The following GANC variants were observed in gnomAD, a reference collection of about 807,000 sequenced individuals.
GANC encodes the protein neutral alpha-glucosidase C.
GANC carries 117 observed loss-of-function variants against 124.2 expected under a neutral mutation model. The observed-to-expected ratio is 0.94, with a 90% CI of 0.81 to 1.10. The LOEUF (loss-of-function observed/expected upper bound fraction) is 1.10, where lower values mean the gene tolerates loss of function less well. Among genes scored for constraint, GANC ranks in the 50% least tolerant of loss-of-function variants. GANC has a pLI of 0.00. For synonymous variants in GANC, 377 were observed against 376.8 expected (o/e 1.00, Z -0.01); for missense variants, 1,140 against 1,095.0 (o/e 1.04, Z -0.58).
rs538025994 is a variant in GANC at position 42,352,287 on chromosome 15, T to C, written c.*148T>C. ...TCGTCACCATTATACTAATGAACAA[T>C]AGATTTCATGTTTCAAAATTTCAGA... On this transcript the variant is annotated 3_prime_UTR_variant, in exon 24 of 24. Transcript: ENST00000318010. The C allele has an allele frequency of 2.1e-5, 30 of 1,436,626 alleles. No individual in the cohort carries two copies. The highest frequency in any genetic ancestry group is 1.0e-4 in the East Asian group (4 of 39,476). The allele number at this position is 1,436,626 out of a possible 1,614,324, so 89.0% of individuals were successfully genotyped here.
At chr15:42,307,787 C>G (rs1467168149) in intron 7 of GANC, among the ~76,000 whole-genome samples, 1 of 151,998 alleles carries the variant, frequency 6.6e-6, no homozygotes, top group Non-Finnish European at 1.5e-5. Context: ...ACGAGGCTGG[C>G]AGTAAGAATG....
intron 3 of GANC, 150 bp from the exon 4 acceptor site, chr15:42,287,541 T>C: frequency 5.7e-6 from 4 of 702,272 alleles, no homozygotes; most frequent in Non-Finnish European, 6.7e-6. Context: ...ATACATAAAC[T>C]GGGGAGCTTT....
At chr15:42,286,888 G>A (rs569689026) in intron 3 of GANC, among the ~76,000 whole-genome samples, 1 of 152,266 alleles carries the variant, frequency 6.6e-6, no homozygotes, top group South Asian at 2.1e-4. Flanking sequence ...ATCATACTTC[G>A]TGAGGAAATT....
At chr15:42,308,347 GTC>G in intron 8 of GANC, 29 bp downstream of exon 8, 2 of 1,435,694 alleles carry the variant, frequency 1.4e-6, no homozygotes, top group Non-Finnish European at 2.0e-6. Context: ...TCTTATGGGA[GTC>G]TCTGGTTTTT....
At chr15:42,351,848 A>C (rs1417471010) in intron 23 of GANC, among the ~76,000 whole-genome samples, 182 bp from the exon 24 acceptor site, 2 of 152,232 alleles carry the variant, frequency 1.3e-5, no homozygotes, top group African/African-American at 2.4e-5. Flanking sequence ...TCTTGCGGTC[A>C]AAACAATGAA....
chr15:42,332,983 A>G (rs1172200078), intron 15 of GANC, among the ~76,000 whole-genome samples: 2 of 150,642 alleles, frequency 1.3e-5, no homozygotes, highest in African/African-American at 4.9e-5. Flanking sequence ...GTGCCATTGC[A>G]CTCCAGCCTG....
chr15:42,302,899 A>T (rs1003424175), intron 6 of GANC, among the ~76,000 whole-genome samples: 1 of 152,208 alleles, frequency 6.6e-6, no homozygotes, highest in Non-Finnish European at 1.5e-5. Flanking sequence ...TGAAAATGAC[A>T]GGGAGAATGG....
At chr15:42,319,091 T>C (rs1472010291) in intron 10 of GANC, among the ~76,000 whole-genome samples, 1 of 152,186 alleles carries the variant, frequency 6.6e-6, no homozygotes, top group Non-Finnish European at 1.5e-5. Context: ...ATTTTCTCAA[T>C]TTTATCTTCT....
chr15:42,352,943 T>G lies in GANC; in HGVS notation c.*804T>G, dbSNP rs559962195. The G allele has an allele frequency of 3.0e-5, 16 of 528,044 alleles. No individual in the cohort carries two copies. The African/African-American group carries it at 3.1e-4, about 10-fold the overall frequency. 32.7% of individuals were successfully genotyped at this position (528,044 alleles called of 1,614,324 possible). ...GGAGACCCTGGCCTTGGGCACAAAA[T>G]GTAAGGGATGCCAAAAAAATACAGT... On this transcript the variant is annotated 3_prime_UTR_variant, in exon 24 of 24. Transcript: ENST00000318010.
At chr15:42,345,517 G>A (rs1188271243) in intron 19 of GANC, among the ~76,000 whole-genome samples, 3 of 152,078 alleles carry the variant, frequency 2.0e-5, no homozygotes, top group Non-Finnish European at 4.4e-5. Flanking sequence ...TTGTTCAGTC[G>A]GTAGCTTTTG....
At chr15:42,304,631 A>G (rs1215009008) in intron 6 of GANC, among the ~76,000 whole-genome samples, 1 of 152,218 alleles carries the variant, frequency 6.6e-6, no homozygotes, top group Admixed American at 6.5e-5. Flanking sequence ...TTTCACAGGG[A>G]ACCAAAAAAG....
intron 4 of GANC, among the ~76,000 whole-genome samples, chr15:42,292,339 A>T (rs1022322275): frequency 1.3e-5 from 2 of 151,326 alleles, no homozygotes; most frequent in Non-Finnish European, 2.9e-5. Flanking sequence ...GACCAAGGTG[A>T]TGATGATGAC....
rs546658565 is a variant in GANC, at chr15:42,346,082, T to C, written c.2304+250T>C. ...GCAGAGAGAGATAAAGAGAAGGTGC[T>C]GTCTCAGTTTTCTTCTTACAAGGAC... On this transcript the variant is annotated intron_variant, in intron 20 of 23. Coordinates refer to ENST00000318010, the MANE Select transcript of GANC (RefSeq NM_198141.3). 2.6e-5 allele frequency among the ~76,000 whole-genome samples: 4 copies of C among 152,330 alleles called. No homozygotes were observed. In the South Asian group the frequency reaches 8.3e-4, roughly 32 times the overall value.
chr15:42,281,367 A>T (rs1488256258), intron 3 of GANC, among the ~76,000 whole-genome samples: 2 of 152,174 alleles, frequency 1.3e-5, no homozygotes, highest in Non-Finnish European at 2.9e-5. Flanking sequence ...TGCATCTTAT[A>T]TGCAGCTCAT....
At chr15:42,313,414 GT>G (rs1423945716) in intron 10 of GANC, among the ~76,000 whole-genome samples, 1 of 152,156 alleles carries the variant, frequency 6.6e-6, no homozygotes, top group Non-Finnish European at 1.5e-5. Context: ...AAAAACTTTT[GT>G]GCATCAAAGA....
chr15:42,325,370 G>A (rs2052190847), intron 11 of GANC, among the ~76,000 whole-genome samples: 1 of 152,190 alleles, frequency 6.6e-6, no homozygotes. Context: ...GAGGAAGGAG[G>A]ATTAGATGGT....
rs767519840 is a variant in GANC, at chr15:42,310,857, G to A, written c.1057+11G>A. On this transcript the variant is annotated intron_variant, in intron 10 of 23. Coordinates refer to ENST00000318010, the MANE Select transcript of GANC (RefSeq NM_198141.3). ...ACTCACACCTTACAGGTATTTGCAC[G>A]AAGAAGTGCCAGTTTCTTGTTCTGT... 1.9e-5 allele frequency: 31 copies of A among 1,603,916 alleles called. No homozygotes were observed. The highest frequency in any genetic ancestry group is 1.3e-4 in the South Asian group (12 of 90,806).
At chr15:42,338,209 T>C (rs1276430935) in intron 15 of GANC, among the ~76,000 whole-genome samples, 180 bp from the exon 16 acceptor site, 1 of 152,272 alleles carries the variant, frequency 6.6e-6, no homozygotes, top group African/African-American at 2.4e-5. Context: ...TAGATTTTAA[T>C]AACTTTTCAC....
chr15:42,311,377 C>T (rs1210709050), intron 10 of GANC, among the ~76,000 whole-genome samples: 2 of 151,916 alleles, frequency 1.3e-5, no homozygotes, highest in Non-Finnish European at 2.9e-5. Context: ...ATGATATGAT[C>T]CTATATATAG....
Sources: allele counts gnomAD v4.1 joint callset (sites outside exome capture counted in the v4.1 genomes callset), GRCh38; gene constraint gnomAD v4.1.1; transcripts MANE v1.5; gene names NCBI Gene and HGNC (gene_info 2026-07-23, HGNC 2026-07-21).